SDCCAG8: variants seen among roughly 807,000 people sequenced by gnomAD.
The protein encoded by SDCCAG8 is SHH signaling and ciliogenesis regulator SDCCAG8, also known as serologically defined colon cancer antigen 8.
In SDCCAG8, 74 loss-of-function variants were observed where a neutral mutation model predicts 101.8. That is an observed-to-expected ratio of 0.73 (90% CI 0.60 to 0.88). The LOEUF (loss-of-function observed/expected upper bound fraction) is 0.88. Ranked by LOEUF, SDCCAG8 falls within the 40% of genes least tolerant of loss-of-function variation. SDCCAG8 has a pLI of 0.00. For missense variants in SDCCAG8, 787 were observed against 822.6 expected, an observed-to-expected ratio of 0.96 and a Z score of 0.53; for synonymous variants, 281 against 292.9, an observed-to-expected ratio of 0.96 and a Z score of 0.41.
chr1:243,429,695 ATTTTTTTTTTT>A (rs796450909), intron 16 of SDCCAG8, among the ~76,000 whole-genome samples: 2 of 92,938 alleles, frequency 2.2e-5, no homozygotes, highest in African/African-American at 8.8e-5. Flanking sequence ...TGCTCTGCTA[ATTTTTTTTTTT>A]TTTTTTTTTT....
At chr1:243,400,803 C>T (rs1017853634) in intron 13 of SDCCAG8, among the ~76,000 whole-genome samples, 5 of 152,142 alleles carry the variant, frequency 3.3e-5, no homozygotes, top group African/African-American at 9.7e-5. Flanking sequence ...ATTGTGGATG[C>T]TCTCCTGTAT....
intron 16 of SDCCAG8, among the ~76,000 whole-genome samples, chr1:243,480,271 T>G (rs142152679): frequency 1.4e-5 from 2 of 143,398 alleles, no homozygotes; most frequent in Non-Finnish European, 3.0e-5. Context: ...ACTTCAAGAG[T>G]GAAGGTCATG....
intron 17 of SDCCAG8, among the ~76,000 whole-genome samples, chr1:243,495,161 C>G (rs552385060): frequency 6.6e-6 from 1 of 152,346 alleles, no homozygotes; most frequent in African/African-American, 2.4e-5. Flanking sequence ...GGCTTGGGTG[C>G]GCCCTGGGGA....
chr1:243,467,074 G>T (rs1478375842), intron 16 of SDCCAG8, among the ~76,000 whole-genome samples: 1 of 152,146 alleles, frequency 6.6e-6, no homozygotes, highest in African/African-American at 2.4e-5. Context: ...GGCACCTTGT[G>T]CCCAAACAGC....
At chr1:243,445,657 C>T (rs2082849845) in intron 16 of SDCCAG8, among the ~76,000 whole-genome samples, 1 of 152,124 alleles carries the variant, frequency 6.6e-6, no homozygotes, top group Admixed American at 6.6e-5. Flanking sequence ...AAACAACACC[C>T]AAAATACATC....
intron 13 of SDCCAG8, among the ~76,000 whole-genome samples, chr1:243,380,486 T>G (rs1158393580): frequency 6.6e-6 from 1 of 152,194 alleles, no homozygotes; most frequent in East Asian, 1.9e-4. Flanking sequence ...TTTGCCATTC[T>G]GTCTTATTCA....
At chr1:243,391,525 G>T (rs977518118) in intron 13 of SDCCAG8, among the ~76,000 whole-genome samples, 7 of 152,202 alleles carry the variant, frequency 4.6e-5, no homozygotes, top group Non-Finnish European at 1.0e-4. Flanking sequence ...CTCCCCAGCA[G>T]GCAGGGTCAC....
intron 15 of SDCCAG8, among the ~76,000 whole-genome samples, chr1:243,424,316 A>G (rs986456039): frequency 1.3e-5 from 2 of 151,978 alleles, no homozygotes; most frequent in Non-Finnish European, 2.9e-5. Flanking sequence ...CTCCCCCACC[A>G]GTGACATCTA....
intron 17 of SDCCAG8, among the ~76,000 whole-genome samples, chr1:243,493,908 A>C (rs1667183458): frequency 6.6e-6 from 1 of 151,868 alleles, no homozygotes; most frequent in Non-Finnish European, 1.5e-5. Context: ...GTTCTAGAAA[A>C]GTGACAGCTC....
intron 12 of SDCCAG8, among the ~76,000 whole-genome samples, chr1:243,363,564 G>A (rs1055497710): frequency 6.6e-6 from 1 of 152,096 alleles, no homozygotes; most frequent in Non-Finnish European, 1.5e-5. Context: ...GGGCTAAATT[G>A]GAAATTTGAG....
chr1:243,380,682 C>T (rs778688540), intron 13 of SDCCAG8, among the ~76,000 whole-genome samples: 1 of 143,016 alleles, frequency 7.0e-6, no homozygotes, highest in Non-Finnish European at 1.5e-5. Context: ...CCATAGAAAG[C>T]TTTTTTTTTT....
chr1:243,482,753 G>T (rs2148234224), intron 16 of SDCCAG8, among the ~76,000 whole-genome samples: 1 of 152,364 alleles, frequency 6.6e-6, no homozygotes, highest in Admixed American at 6.5e-5. Context: ...CCTGGCCACA[G>T]CTCCCAGGGC....
intron 1 of SDCCAG8, chr1:243,267,144 G>A: frequency 6.4e-6 from 1 of 155,990 alleles, no homozygotes; most frequent in Non-Finnish European, 1.4e-5. Flanking sequence ...TCGGGAGGCT[G>A]AGGCAGGAGA....
chr1:243,285,049 A>T (rs1319019500), intron 4 of SDCCAG8, among the ~76,000 whole-genome samples: 4 of 151,952 alleles, frequency 2.6e-5, no homozygotes, highest in Non-Finnish European at 5.9e-5. Flanking sequence ...CACCTGGCTA[A>T]TTTTTGTATT....
rs370441955 is a variant in SDCCAG8 at position 243,378,860 on chromosome 1, C to G, written c.1613C>G (p.Thr538Ser). The G allele has an allele frequency of 5.6e-6, 9 of 1,614,026 alleles. No individual in the cohort carries two copies. Among genetic ancestry groups the G allele is most frequent in the Non-Finnish European group, 7.6e-6 (9 of 1,179,946 alleles). Reference sequence around the variant, plus strand: ...GAATCTGAGCACCAACTGCACCTCACCAGGTACTCCCTAATCCCATTATGC... The same window carrying G: ...GAATCTGAGCACCAACTGCACCTCAGCAGGTACTCCCTAATCCCATTATGC... ...LGESEHQLHLTRQEKDSIQQS... is the reference protein window; with the variant it reads ...LGESEHQLHLSRQEKDSIQQS... The change falls in exon 13 of 18, where the codon ACC becomes AGC. Residue 538 changes from threonine to serine, a missense_variant. Thr to Ser is a moderately conservative substitution (Grantham distance 58, BLOSUM62 1). Transcript: ENST00000366541.
At chr1:243,332,676 ATCGCAGTCCAGGTCTGGAGGTGATTT>A (rs1412553920) in intron 10 of SDCCAG8, among the ~76,000 whole-genome samples, 6 of 150,674 alleles carry the variant, frequency 4.0e-5, no homozygotes, top group Non-Finnish European at 5.9e-5. Context: ...GGAGGTGATT[ATCGCAGTCCAGGTCTGGAGGTGATTT>A]TCGCGGTCCA....
At chr1:243,347,110 C>T (rs1235926452) in intron 12 of SDCCAG8, among the ~76,000 whole-genome samples, 1 of 152,064 alleles carries the variant, frequency 6.6e-6, no homozygotes, top group African/African-American at 2.4e-5. Context: ...CTACTTCTGT[C>T]CTCATCGTCA....
At chr1:243,310,638 T>G (rs1175007300) in intron 8 of SDCCAG8, among the ~76,000 whole-genome samples, 1 of 152,168 alleles carries the variant, frequency 6.6e-6, no homozygotes, top group African/African-American at 2.4e-5. Context: ...AAAAGATACA[T>G]TTGTTTCTAT....
rs1461397659 is a variant in SDCCAG8, at chr1:243,273,273, GAGAAA to G, written c.307-1269_307-1265del. ...TGCTGTGCTGAGAAAGAGAGTGGCT[GAGAAA>G]CAGACACTGTGCCTCATTTCAAGCT... On this transcript the variant is annotated intron_variant, in intron 3 of 17. Coordinates refer to ENST00000366541, the MANE Select transcript of SDCCAG8 (RefSeq NM_006642.5). 2.6e-5 allele frequency among the ~76,000 whole-genome samples: 4 copies of G among 152,262 alleles called. No homozygotes were observed. The East Asian group carries it at 7.7e-4, about 29-fold the overall frequency.
Sources: gnomAD v4.1 joint callset for allele counts (sites outside exome capture counted in the v4.1 genomes callset) on GRCh38, gnomAD v4.1.1 for gene constraint, MANE v1.5 for transcripts, NCBI Gene and HGNC (gene_info 2026-07-23, HGNC 2026-07-21) for gene names.